C7orf57: variants seen among roughly 807,000 people sequenced by gnomAD.
C7orf57 encodes chromosome 7 open reading frame 57, also known as uncharacterized protein C7orf57.
In C7orf57, 33 loss-of-function variants were observed where a neutral mutation model predicts 39.0. The observed-to-expected ratio is 0.85, with a 90% CI of 0.64 to 1.13. The LOEUF is 1.13. Ranked by LOEUF, C7orf57 falls within the 50% of genes most tolerant of loss-of-function variation. C7orf57 has a pLI of 0.00. For missense variants in C7orf57, 346 were observed against 362.3 expected, an observed-to-expected ratio of 0.95 and a Z score of 0.37; for synonymous variants, 124 against 137.1, an observed-to-expected ratio of 0.90 and a Z score of 0.67.
chr7:48,044,192 G>C (rs557999112), intron 4 of C7orf57, among the ~76,000 whole-genome samples: 160 of 152,298 alleles, frequency 1.1e-3, no homozygotes, highest in African/African-American at 3.7e-3. Context: ...ACACTCTGCC[G>C]GATCCGGAGA....
intron 6 of C7orf57, among the ~76,000 whole-genome samples, chr7:48,051,829 T>TCTCTTCTCTTC (rs763574970): frequency 6.7e-5 from 3 of 44,516 alleles, no homozygotes; most frequent in African/African-American, 2.1e-4. Flanking sequence ...CTTTCTTTCT[T>TCTCTTCTCTTC]TCTTTCTTTC....
chr7:48,041,575 G>A (rs574622323), intron 3 of C7orf57, 56 bp downstream of exon 3: 35 of 1,355,844 alleles, frequency 2.6e-5, no homozygotes, highest in African/African-American at 7.3e-5. Context: ...TGAGGGGGGC[G>A]TTTGTTCCTA....
Position 48,052,848 on chromosome 7 carries a change from C to A in C7orf57, c.754C>A (p.Arg252=). ...SRASVLSQSP[R]DLEGPQDAAR... ...GGCATCAGTGTTATCTCAGTCCCCA[C>A]GAGACCTGGAAGGTCCCCAGGATGC... Residue 252 remains arginine (R), a synonymous_variant, in exon 7 of 9, where the codon CGA becomes AGA. Coordinates refer to ENST00000348904, the MANE Select transcript of C7orf57 (RefSeq NM_001100159.3). The A allele has an allele frequency of 6.2e-7, 1 of 1,614,024 alleles. No homozygotes were observed. Among genetic ancestry groups the A allele is most frequent in the South Asian group, 1.1e-5 (1 of 91,082 alleles).
intron 2 of C7orf57, among the ~76,000 whole-genome samples, chr7:48,037,933 T>C (rs1438174019): frequency 6.6e-6 from 1 of 152,198 alleles, no homozygotes; most frequent in African/African-American, 2.4e-5. Flanking sequence ...AGACACACTG[T>C]TCTCTGTGGA....
chr7:48,051,367 T>TTTTTTTG, intron 6 of C7orf57, among the ~76,000 whole-genome samples: 1 of 147,176 alleles, frequency 6.8e-6, no homozygotes, highest in Admixed American at 6.8e-5. Context: ...TTTTTTTTTT[T>TTTTTTTG]GGAGACAGAG....
chr7:48,054,674 G>A, intron 8 of C7orf57, 68 bp downstream of exon 8: 1 of 1,381,756 alleles, frequency 7.2e-7, no homozygotes, highest in South Asian at 1.3e-5. Context: ...GATGGACATA[G>A]TCCTGCATTC....
In C7orf57 at chr7:48,035,892, G is replaced by GC. The variant is rs1326725315; in HGVS notation, c.-102+267dup. 6.6e-6 allele frequency among the ~76,000 whole-genome samples: 1 copy of GC among 152,002 alleles called. No homozygotes were observed. The highest frequency in any genetic ancestry group is 1.9e-4 in the East Asian group (1 of 5,170). ...CTGTACTGGATACCCGGCGTGACGT[G>GC]CCCCCTCTGTGTGCCCCGCACGCAC... On this transcript the variant is annotated intron_variant, in intron 1 of 8. Transcript: ENST00000348904. The surrounding 1 kb of genome is among the most constrained non-coding windows in gnomAD (Gnocchi z 4.0).
chr7:48,043,231 CA>C (rs2128792082), intron 3 of C7orf57, among the ~76,000 whole-genome samples: 1 of 152,218 alleles, frequency 6.6e-6, no homozygotes, highest in South Asian at 2.1e-4. Flanking sequence ...GAGCTCTGTC[CA>C]GATCTGCAAA....
intron 8 of C7orf57, among the ~76,000 whole-genome samples, chr7:48,055,798 ACTT>A (rs1791100003): frequency 6.6e-6 from 1 of 152,154 alleles, no homozygotes; most frequent in African/African-American, 2.4e-5. Flanking sequence ...GACAGAATTT[ACTT>A]CTTTTTTAAA....
intron 2 of C7orf57, among the ~76,000 whole-genome samples, chr7:48,037,518 G>A (rs1790412249): frequency 6.6e-6 from 1 of 152,166 alleles, no homozygotes; most frequent in African/African-American, 2.4e-5. Flanking sequence ...ACACTGCCTT[G>A]TGCCTTAGAG....
intron 2 of C7orf57, among the ~76,000 whole-genome samples, chr7:48,040,485 C>T (rs545328654): frequency 3.9e-5 from 6 of 152,322 alleles, no homozygotes; most frequent in African/African-American, 1.2e-4. Context: ...TCACCTGTTT[C>T]CGCCACTTTT....
intron 8 of C7orf57, among the ~76,000 whole-genome samples, chr7:48,054,962 C>T (rs983305310): frequency 3.7e-4 from 57 of 152,224 alleles, no homozygotes; most frequent in African/African-American, 1.1e-3. Flanking sequence ...CTGCAAGCTC[C>T]GCCTCCCGGG....
intron 7 of C7orf57, among the ~76,000 whole-genome samples, chr7:48,054,362 C>A (rs182775058): frequency 0.016 from 2,269 of 145,080 alleles, 62 homozygotes; most frequent in African/African-American, 0.057. Context: ...TGCGGTGAGC[C>A]GAGATCGTGC....
At chr7:48,039,970 T>G (rs1240853548) in intron 2 of C7orf57, among the ~76,000 whole-genome samples, 2 of 152,154 alleles carry the variant, frequency 1.3e-5, no homozygotes, top group African/African-American at 4.8e-5. Context: ...TTTTCTTACA[T>G]TTGGGCATCT....
chr7:48,041,345 C>CA lies in C7orf57; in HGVS notation c.68dup (p.His23GlnfsTer8), dbSNP rs1202699500. 2.5e-6 allele frequency: 4 copies of CA among 1,612,694 alleles called. No homozygotes were observed. In the African/African-American group the frequency reaches 5.3e-5, roughly 22 times the overall value. On this transcript the variant is annotated frameshift_variant, in exon 3 of 9. Coordinates refer to ENST00000348904, the MANE Select transcript of C7orf57 (RefSeq NM_001100159.3). LOFTEE classifies it high-confidence loss of function. ...TCTCTCCTCTATAGATTGGTATTAC[C>CA]ACGTCCCAGTGAAGCGCTCTGAGAA...
rs772854657 is a variant in C7orf57, at chr7:48,052,924, G to A, written c.829+1G>A. 32 of 1,610,538 alleles carry A rather than the reference G, an allele frequency of 2.0e-5. No individual in the cohort carries two copies. Among genetic ancestry groups the A allele is most frequent in the Non-Finnish European group, 2.5e-5 (29 of 1,177,108 alleles). The stretch of plus-strand genomic sequence containing the variant: ...TCTGAAGGTCCTGAGGACACCCCAG[G>A]TGAGGCACAAGCAGCCATCTGCATT... On this transcript the variant is annotated splice_donor_variant, in intron 7 of 8. Transcript: ENST00000348904. LOFTEE classifies it high-confidence loss of function.
intron 4 of C7orf57, among the ~76,000 whole-genome samples, chr7:48,046,077 T>C (rs1431671497): frequency 1.3e-5 from 2 of 152,046 alleles, no homozygotes; most frequent in Non-Finnish European, 2.9e-5. Context: ...ACCTTGTGAT[T>C]TCTAAGTGGG....
intron 6 of C7orf57, among the ~76,000 whole-genome samples, chr7:48,052,259 C>T (rs1790976460): frequency 6.6e-6 from 1 of 152,152 alleles, no homozygotes; most frequent in Non-Finnish European, 1.5e-5. Flanking sequence ...GCGTGAGCCA[C>T]GGCACCCAGC....
intron 2 of C7orf57, among the ~76,000 whole-genome samples, chr7:48,040,016 A>C (rs191479317): frequency 2.5e-4 from 38 of 150,624 alleles, no homozygotes; most frequent in Admixed American, 2.2e-3. Flanking sequence ...GTTACCTAGA[A>C]CCTCAGTTGT....
Sources: allele counts gnomAD v4.1 joint callset (sites outside exome capture counted in the v4.1 genomes callset), GRCh38; gene constraint gnomAD v4.1.1; non-coding constraint Gnocchi (gnomAD v3.1); transcripts MANE v1.5; gene names NCBI Gene and HGNC (gene_info 2026-07-23, HGNC 2026-07-21).